The following ADAM18 variants were observed in gnomAD, a reference collection of about 807,000 sequenced individuals.
ADAM18 encodes disintegrin and metalloproteinase domain-containing protein 18.
ADAM18 carries 117 observed loss-of-function variants against 94.4 expected under a neutral mutation model. That is an observed-to-expected ratio of 1.24 (90% CI 1.07 to 1.45). ADAM18 has a LOEUF of 1.45. Ranked by LOEUF, ADAM18 falls within the 40% of genes most tolerant of loss-of-function variation. The pLI is 0.00. For synonymous variants in ADAM18, 327 were observed against 291.6 expected (o/e 1.12, Z -1.24); for missense variants, 936 against 880.0 (o/e 1.06, Z -0.81).
At chr8:39,707,281 G>A (rs1822266933) in intron 18 of ADAM18, among the ~76,000 whole-genome samples, 1 of 152,144 alleles carries the variant, frequency 6.6e-6, no homozygotes, top group Non-Finnish European at 1.5e-5. Flanking sequence ...AGCCTCTCCA[G>A]CAATTTTTCT....
intron 1 of ADAM18, 70 bp from the exon 2 acceptor site, chr8:39,585,206 A>G: frequency 7.9e-7 from 1 of 1,271,596 alleles, no homozygotes; most frequent in Non-Finnish European, 1.1e-6. Context: ...CCGGGATAAG[A>G]ACCCGTGCTT....
intron 10 of ADAM18, 138 bp downstream of exon 10, chr8:39,638,684 G>A: frequency 4.8e-6 from 2 of 419,358 alleles, no homozygotes; most frequent in Non-Finnish European, 8.4e-6. Flanking sequence ...TATTTTATTG[G>A]GACAAAATTA....
intron 11 of ADAM18, among the ~76,000 whole-genome samples, chr8:39,647,556 G>A (rs1001503074): frequency 2.6e-5 from 4 of 152,124 alleles, no homozygotes; most frequent in Admixed American, 1.3e-4. Context: ...CCTCAGCACA[G>A]ACCATTTACG....
At chr8:39,614,590 A>G (rs1024920635) in intron 6 of ADAM18, among the ~76,000 whole-genome samples, 14 of 152,196 alleles carry the variant, frequency 9.2e-5, no homozygotes, top group Non-Finnish European at 1.5e-4. Flanking sequence ...TAACAACACA[A>G]TAACAGGATC....
chr8:39,617,755 CAT>C (rs1001505080), intron 6 of ADAM18, among the ~76,000 whole-genome samples: 5 of 152,050 alleles, frequency 3.3e-5, no homozygotes, highest in African/African-American at 4.8e-5. Flanking sequence ...TCAAATACCA[CAT>C]GTTCTCACTG....
intron 10 of ADAM18, among the ~76,000 whole-genome samples, chr8:39,642,604 A>G (rs1368169773): frequency 6.6e-6 from 1 of 151,954 alleles, no homozygotes; most frequent in African/African-American, 2.4e-5. Context: ...ATTCTGTTCC[A>G]TTAGTCTAGG....
chr8:39,603,782 T>G (rs1449351685), intron 2 of ADAM18, among the ~76,000 whole-genome samples: 1 of 152,234 alleles, frequency 6.6e-6, no homozygotes, highest in Non-Finnish European at 1.5e-5. Flanking sequence ...ACTATTAATA[T>G]TTCTTTCACT....
rs1214920217 is a variant in ADAM18, at chr8:39,617,863, G to A, written c.522+7157G>A. On this transcript the variant is annotated intron_variant, in intron 6 of 19. Coordinates refer to ENST00000265707, the MANE Select transcript of ADAM18 (RefSeq NM_014237.3). The stretch of plus-strand genomic sequence containing the variant: ...GAATGTAGGGTGGGTGTAGGGTGGG[G>A]ACCTATTGGGTACAATGCTCATTAC... Among the ~76,000 whole-genome samples the A allele has an allele frequency of 2.6e-5, 4 of 152,050 alleles. No homozygotes were observed. The East Asian group carries it at 5.8e-4, about 22-fold the overall frequency.
chr8:39,605,938 G>A (rs922639150), intron 2 of ADAM18, among the ~76,000 whole-genome samples: 2 of 152,038 alleles, frequency 1.3e-5, no homozygotes, highest in Admixed American at 6.6e-5. Flanking sequence ...TCCCACTTAT[G>A]AGTGAGAACA....
intron 6 of ADAM18, chr8:39,611,336 T>G: frequency 1.5e-6 from 1 of 666,356 alleles, no homozygotes; most frequent in South Asian, 6.7e-5. Context: ...AATGGATCTC[T>G]TTGTGTTTAC....
At chr8:39,700,327 A>G (rs1822030329) in intron 17 of ADAM18, among the ~76,000 whole-genome samples, 2 of 152,178 alleles carry the variant, frequency 1.3e-5, no homozygotes, top group Admixed American at 1.3e-4. Flanking sequence ...TTACTTATGT[A>G]AGCAGTTTTC....
At chr8:39,596,421 G>T (rs1818742059) in intron 2 of ADAM18, among the ~76,000 whole-genome samples, 1 of 152,050 alleles carries the variant, frequency 6.6e-6, no homozygotes. Flanking sequence ...GTTATAATTG[G>T]AATCTTGAAG....
rs560405499 is a variant in ADAM18, at chr8:39,640,463, A to G, written c.909+1917A>G. ...TTTGGGTTGATTCAATGTCTTTGCTATTGTGACTAGTGCTGCAATAAATAA... is the reference window on the plus strand; with the variant it reads ...TTTGGGTTGATTCAATGTCTTTGCTGTTGTGACTAGTGCTGCAATAAATAA... On this transcript the variant is annotated intron_variant, in intron 10 of 19. Coordinates refer to ENST00000265707, the MANE Select transcript of ADAM18 (RefSeq NM_014237.3). Among the ~76,000 whole-genome samples the G allele has an allele frequency of 7.6e-4, 116 of 152,206 alleles. 1 individual carries two copies. The highest frequency in any genetic ancestry group is 2.7e-3 in the African/African-American group (112 of 41,538).
rs577198253 is a variant in ADAM18 at position 39,616,779 on chromosome 8, A to G, written c.522+6073A>G. ...ACAAACAACTGGGAAAATAATTTCT[A>G]TTCAATAAATGTGCTGGGATAACTG... On this transcript the variant is annotated intron_variant, in intron 6 of 19. Transcript: ENST00000265707. Among the ~76,000 whole-genome samples, 25 of 152,294 alleles carry G rather than the reference A, an allele frequency of 1.6e-4. No individual in the cohort carries two copies. The South Asian group carries it at 5.2e-3, about 32-fold the overall frequency.
At chr8:39,699,519 G>A (rs1219780417) in intron 17 of ADAM18, among the ~76,000 whole-genome samples, 1 of 152,106 alleles carries the variant, frequency 6.6e-6, no homozygotes, top group Non-Finnish European at 1.5e-5. Context: ...ACACAAGTGA[G>A]ATGTGTGGTG....
chr8:39,694,517 T>C (rs945621442), intron 17 of ADAM18, among the ~76,000 whole-genome samples: 3 of 151,596 alleles, frequency 2.0e-5, no homozygotes, highest in Non-Finnish European at 4.4e-5. Context: ...TTATATCTTG[T>C]ACTTTACGTT....
chr8:39,624,361 C>G (rs1819704457), intron 6 of ADAM18, among the ~76,000 whole-genome samples: 1 of 152,146 alleles, frequency 6.6e-6, no homozygotes, highest in Non-Finnish European at 1.5e-5. Context: ...TTTCCTTCTT[C>G]CACATGTGGC....
At chr8:39,636,001 G>GTTTTTTTTTTTTTTTT (rs199533879) in intron 7 of ADAM18, among the ~76,000 whole-genome samples, 1 of 141,812 alleles carries the variant, frequency 7.1e-6, no homozygotes, top group African/African-American at 2.6e-5. Flanking sequence ...TAACCATTAA[G>GTTTTTTTTTTTTTTTT]TTTTTTTGTT....
chr8:39,632,220 T>G (rs1487995413), intron 7 of ADAM18, among the ~76,000 whole-genome samples: 9 of 152,078 alleles, frequency 5.9e-5, no homozygotes, highest in African/African-American at 1.4e-4. Flanking sequence ...TACTTTTATT[T>G]CATTTTATTG....
Sources: allele counts gnomAD v4.1 joint callset (sites outside exome capture counted in the v4.1 genomes callset), GRCh38; gene constraint gnomAD v4.1.1; transcripts MANE v1.5; gene names NCBI Gene and HGNC (gene_info 2026-07-23, HGNC 2026-07-21).